The following GNAS variants were observed in gnomAD, a reference collection of about 807,000 sequenced individuals.
GNAS encodes the protein protein ALEX.
A neutral mutation model predicts 54.5 loss-of-function variants in GNAS; 8 were observed. That is an observed-to-expected ratio of 0.15 (90% CI 0.09 to 0.26). The LOEUF is 0.26. GNAS is among the 10% of genes least tolerant of loss of function. GNAS has a pLI of 1.00. For missense variants in GNAS, 170 were observed against 529.8 expected (o/e 0.32, Z 6.67); for synonymous variants, 204 against 191.4 (o/e 1.07, Z -0.54).
upstream of GNAS, chr20:58,840,040 A>G (rs531607158): frequency 1.7e-5 from 26 of 1,564,282 alleles, no homozygotes; most frequent in East Asian, 2.7e-4. The surrounding 1 kb of genome is among the most constrained non-coding windows in gnomAD (Gnocchi z 6.0). Flanking sequence ...CCAGCAGCCA[A>G]TGTGCTTCGG....
intron 2 of GNAS, chr20:58,898,688 C>A: frequency 1.7e-6 from 1 of 584,974 alleles, no homozygotes; most frequent in Non-Finnish European, 3.1e-6. Context: ...TGTCTCCGAC[C>A]AGAGTCTCCA....
upstream of GNAS, chr20:58,839,983 G>A: frequency 9.7e-7 from 1 of 1,033,188 alleles, no homozygotes; most frequent in Non-Finnish European, 1.5e-6. Flanking sequence ...GTGAGGCTGG[G>A]ACCTCCGGGC....
In GNAS at chr20:58,853,976, C is replaced by G. The variant is rs761520261; in HGVS notation, c.43+13090C>G. ...ATGGAGAAGGATTTGGGGACGACAGCCCACCCCCGGGGCTTTCCCGAGTTA... is the reference window on the plus strand; with the variant it reads ...ATGGAGAAGGATTTGGGGACGACAGGCCACCCCCGGGGCTTTCCCGAGTTA... On this transcript the variant is annotated intron_variant, in intron 1 of 12. Transcript: ENST00000306090. The surrounding 1 kb of genome is among the most constrained non-coding windows in gnomAD (Gnocchi z 4.4). 1 of 1,612,192 alleles carries G rather than the reference C, an allele frequency of 6.2e-7. No individual in the cohort carries two copies. Among genetic ancestry groups the G allele is most frequent in the Non-Finnish European group, 8.5e-7 (1 of 1,179,754 alleles).
At position 58,853,747 on chromosome 20, in the gene GNAS, C is replaced by G; in HGVS notation, c.43+12861C>G. 2 of 1,613,814 alleles carry G rather than the reference C, an allele frequency of 1.2e-6. No homozygotes were observed. The highest frequency in any genetic ancestry group is 1.7e-6 in the Non-Finnish European group (2 of 1,179,870). On this transcript the variant is annotated intron_variant, in intron 1 of 12. Transcript: ENST00000306090. The surrounding 1 kb of genome is among the most constrained non-coding windows in gnomAD (Gnocchi z 4.4). ...GGATACAGCCCTCCACCAGAAGAAGCTATGCCCTTTGAGTTTGACCAGCCT... is the reference window on the plus strand; with the variant it reads ...GGATACAGCCCTCCACCAGAAGAAGGTATGCCCTTTGAGTTTGACCAGCCT...
chr20:58,854,251 C>T (rs756015757), intron 1 of GNAS: 3 of 1,613,276 alleles, frequency 1.9e-6, no homozygotes, highest in Non-Finnish European at 2.5e-6. Flanking sequence ...GACAGCCCCC[C>T]AATCGCGCTT....
rs530362097 is a variant in GNAS, at chr20:58,868,913, T to A, written c.44-26699T>A. ...GGCAGATGGCGCTCGGCTTTTACGA[T>A]TGACAGCCTGGCTTTCAAAAATTCA... On this transcript the variant is annotated intron_variant, in intron 1 of 12. Coordinates refer to the GNAS transcript ENST00000306090. Among the ~76,000 whole-genome samples, 33 of 152,284 alleles carry A rather than the reference T, an allele frequency of 2.2e-4. No individual in the cohort carries two copies. The South Asian group carries it at 6.6e-3, about 31-fold the overall frequency.
chr20:58,849,481 A>T (rs2086068655), intron 1 of GNAS, among the ~76,000 whole-genome samples: 1 of 152,220 alleles, frequency 6.6e-6, no homozygotes, highest in African/African-American at 2.4e-5. Flanking sequence ...GCCAATTTGA[A>T]TGTGTGATCT....
intron 1 of GNAS, among the ~76,000 whole-genome samples, chr20:58,881,401 C>T (rs777639364): frequency 9.2e-5 from 14 of 152,126 alleles, no homozygotes; most frequent in South Asian, 2.1e-4. Flanking sequence ...GGATCCAGGG[C>T]CTTTGCTACC....
upstream of GNAS, among the ~76,000 whole-genome samples, chr20:58,886,635 G>A (rs2088608727): frequency 6.6e-6 from 1 of 151,538 alleles, no homozygotes; most frequent in South Asian, 2.1e-4. Flanking sequence ...GTCACACATG[G>A]TAGCCTCCAA....
At position 58,863,040 on chromosome 20, in the gene GNAS, A is replaced by G. The variant is rs182144833; in HGVS notation, c.43+22154A>G. On this transcript the variant is annotated intron_variant, in intron 1 of 12. Transcript: ENST00000306090. The surrounding 1 kb of genome is among the most constrained non-coding windows in gnomAD (Gnocchi z 4.1). ...GCCAGATGGTGAACCAGGCCAGCTC[A>G]TGGGAATTGAAGATGAAGAGACCTC... 1.6e-4 allele frequency among the ~76,000 whole-genome samples: 24 copies of G among 152,188 alleles called. No individual in the cohort carries two copies. The East Asian group carries it at 3.9e-3, about 24-fold the overall frequency.
chr20:58,866,625 T>C (rs1359332970), intron 1 of GNAS, among the ~76,000 whole-genome samples: 1 of 152,228 alleles, frequency 6.6e-6, no homozygotes, highest in East Asian at 1.9e-4. Context: ...ACATAACACA[T>C]TTACATTTTT....
At chr20:58,845,793 G>C (rs527593555) in intron 1 of GNAS, among the ~76,000 whole-genome samples, 2 of 152,306 alleles carry the variant, frequency 1.3e-5, no homozygotes, top group East Asian at 3.9e-4. Context: ...TAGTGACTTA[G>C]TTCTCCCAAG....
chr20:58,841,925 A>G lies in GNAS; in HGVS notation c.43+1039A>G. On this transcript the variant is annotated intron_variant, in intron 1 of 12. Coordinates refer to the GNAS transcript ENST00000306090. This position sits in a 1 kb window ranked among gnomAD's most constrained non-coding sequence, Gnocchi z 5.0. ...GGAGACGGGGGTCGCGTCTAACATC[A>G]GGATAACTTACAATTCGTTTCCAAA... The G allele has an allele frequency of 8.3e-7, 1 of 1,209,524 alleles. No individual in the cohort carries two copies. The highest frequency in any genetic ancestry group is 4.2e-5 in the South Asian group (1 of 23,852). The allele number at this position is 1,209,524 out of a possible 1,614,324, so 74.9% of individuals were successfully genotyped here.
At position 58,855,454 on chromosome 20, in the gene GNAS, G is replaced by T. The variant is rs1040184722; in HGVS notation, c.43+14568G>T. 6 of 920,646 alleles carry T rather than the reference G, an allele frequency of 6.5e-6. No homozygotes were observed. The Admixed American group carries it at 1.2e-4, about 18-fold the overall frequency. The allele number at this position is 920,646 out of a possible 1,614,324, so 57.0% of individuals were successfully genotyped here. A position where few individuals can be genotyped will look rare whatever the true frequency, so the allele number is the denominator to read the frequency against. ...GGAGGAGGGGGTCCAGCCAAAGGCG[G>T]GAAGAACTTGCTAGAAAGTTCCAGG... On this transcript the variant is annotated intron_variant, in intron 1 of 12. Coordinates refer to the GNAS transcript ENST00000306090.
intron 3 of GNAS, among the ~76,000 whole-genome samples, chr20:58,899,657 A>C (rs1423139012): frequency 7.6e-6 from 1 of 132,118 alleles, no homozygotes; most frequent in Non-Finnish European, 1.7e-5. Flanking sequence ...CATCACACAC[A>C]CACACACGCA....
chr20:58,878,577 C>T (rs890903887), intron 1 of GNAS, among the ~76,000 whole-genome samples: 2 of 152,162 alleles, frequency 1.3e-5, no homozygotes, highest in Non-Finnish European at 2.9e-5. Flanking sequence ...TAGAGATCGC[C>T]TTTCCCTAGA....
At chr20:58,884,221 A>G (rs570024042) in intron 1 of GNAS, among the ~76,000 whole-genome samples, 1 of 152,348 alleles carries the variant, frequency 6.6e-6, no homozygotes, top group Non-Finnish European at 1.5e-5. Context: ...TAAAACTTCT[A>G]TTTAGCAGTC....
chr20:58,898,354 A>G (rs1569000096), intron 2 of GNAS: 1 of 151,044 alleles, frequency 6.6e-6, no homozygotes, highest in Non-Finnish European at 1.5e-5. Flanking sequence ...GTTCTTTGAA[A>G]TTTTTTTTGC....
At chr20:58,862,820 C>T (rs2145638260) in intron 1 of GNAS, among the ~76,000 whole-genome samples, 1 of 151,944 alleles carries the variant, frequency 6.6e-6, no homozygotes, top group South Asian at 2.1e-4. Flanking sequence ...TACTTTTTGA[C>T]TTGTCCTGTA....
Sources: gnomAD v4.1 joint callset for allele counts (sites outside exome capture counted in the v4.1 genomes callset) on GRCh38, gnomAD v4.1.1 for gene constraint, Gnocchi (gnomAD v3.1) non-coding constraint, MANE v1.5 for transcripts, NCBI Gene and HGNC (gene_info 2026-07-23, HGNC 2026-07-21) for gene names.